The following SLC25A13 variants were observed in gnomAD, a reference collection of about 807,000 sequenced individuals.
The protein encoded by SLC25A13 is electrogenic aspartate/glutamate antiporter SLC25A13, mitochondrial.
A neutral mutation model predicts 85.5 loss-of-function variants in SLC25A13; 70 were observed. The observed-to-expected ratio is 0.82, with a 90% CI of 0.68 to 1.00. The LOEUF is 1.00. Ranked by LOEUF, SLC25A13 falls within the 50% of genes least tolerant of loss-of-function variation. The probability of loss-of-function intolerance (pLI) is 0.00; values close to 1 mark genes in which losing one functional copy is unlikely to be tolerated. For synonymous variants in SLC25A13, 259 were observed against 288.7 expected (o/e 0.90, Z 1.04); for missense variants, 765 against 819.8 (o/e 0.93, Z 0.82).
intron 1 of SLC25A13, among the ~76,000 whole-genome samples, chr7:96,310,823 T>C (rs1416386573): frequency 6.6e-6 from 1 of 152,234 alleles, no homozygotes; most frequent in East Asian, 1.9e-4. Flanking sequence ...GTTGGATTTT[T>C]TTAATTCCAT....
chr7:96,214,719 T>C (rs1221001848), intron 4 of SLC25A13, among the ~76,000 whole-genome samples: 1 of 151,562 alleles, frequency 6.6e-6, no homozygotes, highest in Admixed American at 6.6e-5. Context: ...CGAGACTCCG[T>C]TGCAAAAAAA....
At chr7:96,244,006 G>A (rs139364560) in intron 3 of SLC25A13, among the ~76,000 whole-genome samples, 28 of 152,320 alleles carry the variant, frequency 1.8e-4, no homozygotes, top group African/African-American at 6.0e-4. Flanking sequence ...ACGGGCCGCC[G>A]GGTGAAGCAG....
chr7:96,233,509 T>C (rs754794468), intron 4 of SLC25A13, among the ~76,000 whole-genome samples: 23 of 152,256 alleles, frequency 1.5e-4, no homozygotes, highest in African/African-American at 5.5e-4. Context: ...CGGGCAAGTA[T>C]ATAATTTTTT....
intron 4 of SLC25A13, among the ~76,000 whole-genome samples, chr7:96,215,099 A>C (rs1795838945): frequency 6.6e-6 from 1 of 152,116 alleles, no homozygotes; most frequent in South Asian, 2.1e-4. Context: ...GAGCCAAAAC[A>C]ATCTTGAAAA....
intron 15 of SLC25A13, among the ~76,000 whole-genome samples, chr7:96,125,097 CT>C (rs368070703): frequency 3.8e-4 from 56 of 147,586 alleles, no homozygotes; most frequent in East Asian, 1.4e-3. Flanking sequence ...TCTTAATTCA[CT>C]TTTTTTTTTT....
chr7:96,171,483 T>C lies in SLC25A13; in HGVS notation c.1219A>G (p.Ile407Val), dbSNP rs369195484. The change falls in exon 12 of 18, where the codon ATA becomes GTA. Residue 407 changes from isoleucine (I) to valine (V), a missense_variant. Ile to Val is a conservative substitution (Grantham distance 29). Coordinates refer to ENST00000265631, the MANE Select transcript of SLC25A13 (RefSeq NM_014251.3). ...CTCAAAAGACTTACTGTAAGTTTTA[T>C]GGCCTTCTCTGGGGCAACTCCCAAT... ...QLLGVAPEKA[I>V]KLTVNDFVRD... 7.9e-5 allele frequency: 128 copies of C among 1,613,300 alleles called. No homozygotes were observed. The highest frequency in any genetic ancestry group is 1.1e-4 in the Non-Finnish European group (124 of 1,179,372).
intron 2 of SLC25A13, among the ~76,000 whole-genome samples, chr7:96,285,994 T>A (rs1798869849): frequency 6.6e-6 from 1 of 152,098 alleles, no homozygotes; most frequent in African/African-American, 2.4e-5. Context: ...TAAGAAAACA[T>A]CTGTCGTTGG....
At chr7:96,224,252 C>T (rs772391438) in intron 4 of SLC25A13, among the ~76,000 whole-genome samples, 5 of 152,118 alleles carry the variant, frequency 3.3e-5, no homozygotes, top group Non-Finnish European at 5.9e-5. Flanking sequence ...CCTGGCTTTG[C>T]CCCACTCTAG....
chr7:96,268,069 C>G (rs1798103162), intron 3 of SLC25A13, among the ~76,000 whole-genome samples: 1 of 152,096 alleles, frequency 6.6e-6, no homozygotes, highest in African/African-American at 2.4e-5. Context: ...CACCCGGTGC[C>G]CACCTCACAG....
intron 11 of SLC25A13, among the ~76,000 whole-genome samples, chr7:96,176,685 A>G (rs1347542124): frequency 6.6e-6 from 1 of 152,180 alleles, no homozygotes; most frequent in Non-Finnish European, 1.5e-5. Flanking sequence ...CATCCCCAAA[A>G]GAGGTTCCTG....
At chr7:96,186,641 C>A (rs1271647883) in intron 9 of SLC25A13, among the ~76,000 whole-genome samples, 4 of 151,796 alleles carry the variant, frequency 2.6e-5, no homozygotes, top group Non-Finnish European at 4.4e-5. Flanking sequence ...AAAACAAAAC[C>A]CTATCATTCA....
rs550692207 is a variant in SLC25A13, at chr7:96,157,292, G to A, written c.1312-10596C>T. ...ATTATAGGTTTTTTCTTCTAATACC[G>A]CCTTCTCTGAAATGGGCTAGTCTGC... On this transcript the variant is annotated intron_variant, in intron 13 of 17. Transcript: ENST00000265631. Among the ~76,000 whole-genome samples, 32 of 151,418 alleles carry A rather than the reference G, an allele frequency of 2.1e-4. 1 individual carries two copies. Among genetic ancestry groups the A allele is most frequent in the Admixed American group, 1.8e-3 (27 of 15,184 alleles).
intron 3 of SLC25A13, among the ~76,000 whole-genome samples, chr7:96,264,714 CT>C (rs568713486): frequency 0.015 from 2,208 of 145,090 alleles, 40 homozygotes; most frequent in African/African-American, 0.045. Flanking sequence ...AGAACTATAC[CT>C]TTTTTTTTTT....
intron 13 of SLC25A13, among the ~76,000 whole-genome samples, chr7:96,156,347 A>G (rs1292179646): frequency 6.6e-6 from 1 of 152,166 alleles, no homozygotes; most frequent in Non-Finnish European, 1.5e-5. Context: ...CCCAGGCTGG[A>G]GTGCAGTAGT....
intron 2 of SLC25A13, among the ~76,000 whole-genome samples, chr7:96,285,290 T>C (rs1199346948): frequency 1.3e-5 from 2 of 152,158 alleles, no homozygotes; most frequent in Non-Finnish European, 2.9e-5. Flanking sequence ...GCTGCACCAA[T>C]CAAATCTCAC....
chr7:96,219,408 G>C (rs1371571901), intron 4 of SLC25A13, among the ~76,000 whole-genome samples: 1 of 152,236 alleles, frequency 6.6e-6, no homozygotes, highest in Admixed American at 6.5e-5. Context: ...AACTCTTCCA[G>C]TTCTGTACTT....
intron 15 of SLC25A13, among the ~76,000 whole-genome samples, chr7:96,126,696 A>G (rs1791742660): frequency 6.6e-6 from 1 of 152,204 alleles, no homozygotes; most frequent in African/African-American, 2.4e-5. Flanking sequence ...TTCAGAGTCA[A>G]TATGGCTATT....
intron 6 of SLC25A13, 91 bp from the exon 7 acceptor site, chr7:96,191,338 T>A: frequency 7.7e-7 from 1 of 1,298,984 alleles, no homozygotes; most frequent in Non-Finnish European, 1.1e-6. Context: ...AGTTTGAAAG[T>A]AATCAAAAAT....
chr7:96,184,217 T>G, intron 11 of SLC25A13, 60 bp downstream of exon 11: 3 of 1,595,954 alleles, frequency 1.9e-6, no homozygotes, highest in South Asian at 1.1e-5. Flanking sequence ...GGCACTAAGA[T>G]GAGAAACCAA....
Sources: gnomAD v4.1 joint callset for allele counts (sites outside exome capture counted in the v4.1 genomes callset) on GRCh38, gnomAD v4.1.1 for gene constraint, MANE v1.5 for transcripts, NCBI Gene and HGNC (gene_info 2026-07-23, HGNC 2026-07-21) for gene names.